The following ABI2 variants were observed in gnomAD, a reference collection of about 807,000 sequenced individuals.
The protein encoded by ABI2 is abl interactor 2, also known as abelson interactor 2.
In ABI2, 25 loss-of-function variants were observed where a neutral mutation model predicts 59.2. That is an observed-to-expected ratio of 0.42 (90% CI 0.31 to 0.59). ABI2 has a LOEUF of 0.59. ABI2 is among the 20% of genes least tolerant of loss of function. ABI2 has a pLI of 0.14. For synonymous variants in ABI2, 213 were observed against 235.5 expected (o/e 0.90, Z 0.87); for missense variants, 545 against 681.8 (o/e 0.80, Z 2.23).
chr2:203,349,753 G>A (rs942497158), intron 1 of ABI2, among the ~76,000 whole-genome samples: 1 of 151,612 alleles, frequency 6.6e-6, no homozygotes, highest in Non-Finnish European at 1.5e-5. Flanking sequence ...CTAGTACATG[G>A]ATAATACCAC....
At chr2:203,338,983 A>T (rs9678024) in intron 1 of ABI2, among the ~76,000 whole-genome samples, 2,283 of 11,092 alleles carry the variant, frequency 0.21, 231 homozygotes, top group East Asian at 0.43. Flanking sequence ...TATATATATA[A>T]ATATATATAT....
chr2:203,332,061 C>T (rs879859599), intron 1 of ABI2, among the ~76,000 whole-genome samples: 1 of 150,478 alleles, frequency 6.6e-6, no homozygotes, highest in Admixed American at 6.6e-5. Context: ...CCACCCACCT[C>T]GGCCTCCCAA....
intron 2 of ABI2, among the ~76,000 whole-genome samples, chr2:203,373,822 G>A (rs1485755479): frequency 6.6e-6 from 1 of 152,180 alleles, no homozygotes; most frequent in African/African-American, 2.4e-5. Flanking sequence ...GTATTGAAAG[G>A]CAGTGGCCTT....
intron 1 of ABI2, among the ~76,000 whole-genome samples, chr2:203,340,215 C>G (rs2079043896): frequency 6.6e-6 from 1 of 152,134 alleles, no homozygotes; most frequent in Non-Finnish European, 1.5e-5. Context: ...CTTCTATTAT[C>G]GGCCAAGGGC....
chr2:203,385,887 C>G (rs568416867), intron 4 of ABI2, among the ~76,000 whole-genome samples: 229 of 152,304 alleles, frequency 1.5e-3, no homozygotes, highest in African/African-American at 5.4e-3. Flanking sequence ...TTTCCTCTTA[C>G]TCCTAATCTT....
chr2:203,353,391 G>C (rs1466310964), intron 1 of ABI2, among the ~76,000 whole-genome samples: 2 of 152,094 alleles, frequency 1.3e-5, no homozygotes. Flanking sequence ...TATTTTCAAC[G>C]TTGCAGTTTT....
intron 10 of ABI2, among the ~76,000 whole-genome samples, chr2:203,412,692 A>G (rs1378629943): frequency 6.6e-6 from 1 of 152,170 alleles, no homozygotes; most frequent in African/African-American, 2.4e-5. Context: ...CACTGGCTCG[A>G]GGAGAAAACT....
intron 1 of ABI2, among the ~76,000 whole-genome samples, chr2:203,354,625 T>C (rs990649755): frequency 2.0e-5 from 3 of 152,206 alleles, no homozygotes; most frequent in African/African-American, 7.2e-5. Context: ...TAGGACTTTA[T>C]TACAGCAACA....
At chr2:203,330,975 CAA>C (rs541627819) in intron 1 of ABI2, among the ~76,000 whole-genome samples, 72 of 152,194 alleles carry the variant, frequency 4.7e-4, no homozygotes, top group African/African-American at 1.7e-3. Flanking sequence ...CAATGGGACT[CAA>C]AATTTAGTGT....
chr2:203,409,958 C>T (rs953671376), intron 9 of ABI2, among the ~76,000 whole-genome samples: 1 of 152,156 alleles, frequency 6.6e-6, no homozygotes, highest in Non-Finnish European at 1.5e-5. Flanking sequence ...CATATCCTCC[C>T]ATTGATATTT....
At chr2:203,364,760 G>A (rs2094154425) in intron 1 of ABI2, among the ~76,000 whole-genome samples, 1 of 148,906 alleles carries the variant, frequency 6.7e-6, no homozygotes, top group Non-Finnish European at 1.5e-5. Flanking sequence ...CAAGAGACAG[G>A]GTCTTGCTTT....
chr2:203,353,410 C>A (rs1333438582), intron 1 of ABI2, among the ~76,000 whole-genome samples: 1 of 152,138 alleles, frequency 6.6e-6, no homozygotes, highest in African/African-American at 2.4e-5. Flanking sequence ...TTATTAGATA[C>A]CAAATAAAAA....
intron 2 of ABI2, among the ~76,000 whole-genome samples, chr2:203,374,283 T>G (rs751960852): frequency 2.6e-5 from 4 of 152,062 alleles, no homozygotes; most frequent in Non-Finnish European, 5.9e-5. Flanking sequence ...CCGGATCACC[T>G]GAGGTCAGGA....
Position 203,387,854 on chromosome 2 carries a change from G to C in ABI2, c.481-3192G>C, listed in dbSNP as rs77771011. 8.7e-3 allele frequency among the ~76,000 whole-genome samples: 1,324 copies of C among 152,206 alleles called. 12 individuals are homozygous for C. Among genetic ancestry groups the C allele is most frequent in the Non-Finnish European group, 0.014 (951 of 68,010 alleles). ...TGGTATATGTTCTGTCTCTCTCTCTGTCGCTGTCGTTAAGTTCCTCTCCAT... is the reference window on the plus strand; with the variant it reads ...TGGTATATGTTCTGTCTCTCTCTCTCTCGCTGTCGTTAAGTTCCTCTCCAT... On this transcript the variant is annotated intron_variant, in intron 4 of 11. Coordinates refer to ENST00000261018, the MANE Select transcript of ABI2 (RefSeq NM_001375670.1).
chr2:203,349,254 C>G (rs951203510), intron 1 of ABI2, among the ~76,000 whole-genome samples: 1 of 151,796 alleles, frequency 6.6e-6, no homozygotes, highest in African/African-American at 2.4e-5. Flanking sequence ...TGCCCTATAA[C>G]TCTTGAACAC....
At chr2:203,404,271 CA>C (rs2097339584) in intron 9 of ABI2, among the ~76,000 whole-genome samples, 3 of 152,122 alleles carry the variant, frequency 2.0e-5, no homozygotes, top group Admixed American at 6.5e-5. Flanking sequence ...TTCATTTTTC[CA>C]AATCCCTTCA....
chr2:203,358,775 T>C (rs2092841141), intron 1 of ABI2, among the ~76,000 whole-genome samples: 1 of 152,144 alleles, frequency 6.6e-6, no homozygotes, highest in Non-Finnish European at 1.5e-5. Context: ...TTTGGGAGGC[T>C]GAGGTGGGCA....
chr2:203,332,313 C>T (rs929055600), intron 1 of ABI2, among the ~76,000 whole-genome samples: 4 of 151,802 alleles, frequency 2.6e-5, no homozygotes, highest in African/African-American at 4.8e-5. Context: ...GTAAGACCTG[C>T]GTTTTTCTTC....
chr2:203,419,149 G>T (rs941813197), intron 11 of ABI2, among the ~76,000 whole-genome samples: 1 of 109,590 alleles, frequency 9.1e-6, no homozygotes, highest in African/African-American at 3.7e-5. Context: ...CGCTCTTGTT[G>T]CCCAGGCTGG....
Sources: allele counts gnomAD v4.1 joint callset (sites outside exome capture counted in the v4.1 genomes callset), GRCh38; gene constraint gnomAD v4.1.1; transcripts MANE v1.5; gene names NCBI Gene and HGNC (gene_info 2026-07-23, HGNC 2026-07-21).